ATP5MK: variants seen among roughly 807,000 people sequenced by gnomAD.
ATP5MK encodes the protein ATP synthase membrane subunit k.
Under a neutral mutation model 6.6 loss-of-function variants are expected in ATP5MK, and 5 were observed. The observed-to-expected ratio is 0.76, with a 90% CI of 0.40 to 1.60. The LOEUF is 1.60. ATP5MK is among the 40% of genes most tolerant of loss of function. ATP5MK has a pLI of 0.02. For missense variants in ATP5MK, 57 were observed against 66.6 expected (o/e 0.86, Z 0.50); for synonymous variants, 30 against 24.5 (o/e 1.22, Z -0.66).
intron 2 of ATP5MK, among the ~76,000 whole-genome samples, chr10:103,393,992 A>C (rs573389555): frequency 2.6e-5 from 4 of 152,234 alleles, no homozygotes; most frequent in Non-Finnish European, 5.9e-5. Context: ...CATTAGCATC[A>C]CTGGAAACTT....
intron 2 of ATP5MK, among the ~76,000 whole-genome samples, chr10:103,395,459 G>A (rs2093429763): frequency 6.6e-6 from 1 of 152,072 alleles, no homozygotes; most frequent in African/African-American, 2.4e-5. Flanking sequence ...CACCACGCCC[G>A]GCTAATTTTT....
intron 2 of ATP5MK, chr10:103,394,307 C>T: frequency 3.7e-6 from 2 of 534,054 alleles, no homozygotes; most frequent in Non-Finnish European, 7.7e-6. Context: ...CTACCACGAC[C>T]GACGCCACGC....
chr10:103,391,295 T>C (rs562613156), intron 4 of ATP5MK, among the ~76,000 whole-genome samples: 17 of 152,344 alleles, frequency 1.1e-4, no homozygotes, highest in African/African-American at 3.8e-4. Context: ...TAGACAAGGC[T>C]TCATGCTCAA....
At chr10:103,393,848 C>T (rs1201082100) in intron 2 of ATP5MK, among the ~76,000 whole-genome samples, 1 of 152,168 alleles carries the variant, frequency 6.6e-6, no homozygotes, top group Admixed American at 6.5e-5. Context: ...TTAAACGACA[C>T]ACAACAGGCA....
chr10:103,394,477 G>A (rs947627449), intron 2 of ATP5MK: 2 of 390,226 alleles, frequency 5.1e-6, no homozygotes, highest in Admixed American at 2.8e-5. Flanking sequence ...GGCTTTCAGA[G>A]GCATTCTTGT....
At chr10:103,391,879 C>T (rs1281580766) in intron 4 of ATP5MK, among the ~76,000 whole-genome samples, 1 of 152,060 alleles carries the variant, frequency 6.6e-6, no homozygotes, top group Admixed American at 6.6e-5. Context: ...GATCTCGGCT[C>T]ACTGCAACCT....
At chr10:103,393,545 A>G (rs957756342) in intron 2 of ATP5MK, among the ~76,000 whole-genome samples, 1 of 151,576 alleles carries the variant, frequency 6.6e-6, no homozygotes, top group African/African-American at 2.4e-5. Flanking sequence ...GCGCCACTGC[A>G]CTCCAGCCTG....
intron 2 of ATP5MK, chr10:103,394,397 T>C (rs1287344714): frequency 1.9e-6 from 1 of 512,950 alleles, no homozygotes. Flanking sequence ...AGCTGGGTCT[T>C]GATGAAATGG....
At chr10:103,392,739 C>T (rs377353256) in intron 2 of ATP5MK, among the ~76,000 whole-genome samples, 1 of 152,342 alleles carries the variant, frequency 6.6e-6, no homozygotes. Flanking sequence ...TAAGTTCATT[C>T]TCTGACCCAA....
In ATP5MK at chr10:103,393,375, T is replaced by C. The variant is rs1164878969; in HGVS notation, c.-9-909A>G. On this transcript the variant is annotated intron_variant, in intron 2 of 4. Transcript: ENST00000369815. Reference sequence around the variant, plus strand: ...GGCGGGTGGATGCGAGGTCAGGAGATCGAGACCATCCTGGCTAACACGGTG... The same window carrying C: ...GGCGGGTGGATGCGAGGTCAGGAGACCGAGACCATCCTGGCTAACACGGTG... Among the ~76,000 whole-genome samples the C allele has an allele frequency of 4.6e-5, 7 of 152,108 alleles. No individual in the cohort carries two copies. In the South Asian group the frequency reaches 1.5e-3, roughly 32 times the overall value.
In ATP5MK at chr10:103,395,079, G is replaced by A. The variant is rs796135337; in HGVS notation, c.-10+667C>T. Among the ~76,000 whole-genome samples the A allele has an allele frequency of 3.3e-5, 5 of 152,124 alleles. No individual in the cohort carries two copies. In the South Asian group the frequency reaches 1.0e-3, roughly 32 times the overall value. ...ACTCAAGTTAGTCTGGGTCTTAAAG[G>A]AGGAGGACTCTTGAGAGGCTCAAAT... On this transcript the variant is annotated intron_variant, in intron 2 of 4. Coordinates refer to ENST00000369815, the MANE Select transcript of ATP5MK (RefSeq NM_001206427.2).
chr10:103,392,615 G>C, intron 2 of ATP5MK, 149 bp from the exon 3 acceptor site: 1 of 607,556 alleles, frequency 1.6e-6, no homozygotes, highest in East Asian at 2.9e-5. Flanking sequence ...CACAGTAGTA[G>C]CAAAGATGGT....
intron 2 of ATP5MK, chr10:103,394,504 G>C (rs2133651349): frequency 2.8e-6 from 1 of 352,940 alleles, no homozygotes; most frequent in East Asian, 6.7e-5. Context: ...AATTGGCAAT[G>C]AAAATTTGAG....
At chr10:103,390,667 T>G (rs576914857) in intron 4 of ATP5MK, among the ~76,000 whole-genome samples, 2 of 151,794 alleles carry the variant, frequency 1.3e-5, no homozygotes, top group East Asian at 3.9e-4. Flanking sequence ...GGTGTGCACA[T>G]GTAATCCCAG....
intron 4 of ATP5MK, among the ~76,000 whole-genome samples, chr10:103,391,144 A>C (rs1004091058): frequency 1.3e-5 from 2 of 152,220 alleles, no homozygotes; most frequent in African/African-American, 2.4e-5. Context: ...AAAGCAAAAA[A>C]CACAATTTTT....
chr10:103,395,945 A>T lies in ATP5MK; in HGVS notation c.-209T>A, dbSNP rs1331940322. On this transcript the variant is annotated 5_prime_UTR_variant, in exon 2 of 5. It removes an upstream start codon present in the reference 5' UTR. Coordinates refer to ENST00000369815, the MANE Select transcript of ATP5MK (RefSeq NM_001206427.2). The stretch of plus-strand genomic sequence containing the variant: ...TGGCGAACTGTAGGGGCCGGGCCAC[A>T]TTCACTCGCTTTGAAAAAGGCTGCA... 1 of 152,228 alleles carries T rather than the reference A, an allele frequency of 6.6e-6. No individual in the cohort carries two copies. Among genetic ancestry groups the T allele is most frequent in the Non-Finnish European group, 1.5e-5 (1 of 68,070 alleles). 9.4% of individuals were successfully genotyped at this position (152,228 alleles called of 1,614,324 possible). A position where few individuals can be genotyped will look rare whatever the true frequency, so the allele number is the denominator to read the frequency against.
At chr10:103,391,399 A>G (rs1398422150) in intron 4 of ATP5MK, among the ~76,000 whole-genome samples, 3 of 152,266 alleles carry the variant, frequency 2.0e-5, no homozygotes, top group Non-Finnish European at 4.4e-5. Context: ...ATTCAAATTA[A>G]AGATATATTT....
In ATP5MK at chr10:103,392,216, G is replaced by C. The variant is rs766456885; in HGVS notation, c.155C>G (p.Thr52Ser). 4.3e-6 allele frequency: 7 copies of C among 1,613,126 alleles called. No individual in the cohort carries two copies. Among genetic ancestry groups the C allele is most frequent in the Non-Finnish European group, 5.9e-6 (7 of 1,179,706 alleles). The change falls in exon 4 of 5, where the codon ACT becomes AGT. Residue 52 changes from threonine to serine, a missense_variant. Physicochemically the swap from Thr to Ser is moderately conservative, Grantham distance 58 (BLOSUM62 1). Transcript: ENST00000369815. ...CATTTATGTTGCTTTCACAGCTGGA[G>C]TTTTTTTGGACCTTAACTTGAAATA... Reference protein sequence around the residue: ...VLYFKLRSKKTPAVKAT With the variant: ...VLYFKLRSKKSPAVKAT
Position 103,395,771 on chromosome 10 carries a change from G to A in ATP5MK, c.-35C>T, listed in dbSNP as rs1175260424. 6.6e-6 allele frequency: 1 copy of A among 152,236 alleles called. No homozygotes were observed. The highest frequency in any genetic ancestry group is 1.5e-5 in the Non-Finnish European group (1 of 68,046). 9.4% of individuals were successfully genotyped at this position (152,236 alleles called of 1,614,324 possible). A position where few individuals can be genotyped will look rare whatever the true frequency, so the allele number is the denominator to read the frequency against. On this transcript the variant is annotated 5_prime_UTR_variant, in exon 2 of 5. Coordinates refer to ENST00000369815, the MANE Select transcript of ATP5MK (RefSeq NM_001206427.2). ...CTGGAATGGTGAGATCACGAGGTAA[G>A]GAAGGCAAAGATGAGTGAGAACCAC...
Sources: gnomAD v4.1 joint callset for allele counts (sites outside exome capture counted in the v4.1 genomes callset) on GRCh38, gnomAD v4.1.1 for gene constraint, MANE v1.5 for transcripts, NCBI Gene and HGNC (gene_info 2026-07-23, HGNC 2026-07-21) for gene names.